The following GRM8 variants were observed in gnomAD, a reference collection of about 807,000 sequenced individuals.
GRM8 encodes the protein metabotropic glutamate receptor 8.
GRM8 carries 47 observed loss-of-function variants against 87.2 expected under a neutral mutation model. The ratio of observed to expected loss-of-function variants is 0.54; its 90% confidence interval spans 0.43 to 0.69. GRM8 has a LOEUF of 0.69. GRM8 is among the 30% of genes least tolerant of loss of function. The probability of loss-of-function intolerance (pLI) is 0.00; values close to 1 mark genes in which losing one functional copy is unlikely to be tolerated. For synonymous variants in GRM8, 396 were observed against 404.5 expected (o/e 0.98, Z 0.25); for missense variants, 1,019 against 1,139.2 (o/e 0.89, Z 1.52).
At chr7:126,738,929 T>C (rs1348653136) in intron 7 of GRM8, among the ~76,000 whole-genome samples, 2 of 151,946 alleles carry the variant, frequency 1.3e-5, no homozygotes, top group Non-Finnish European at 2.9e-5. Context: ...GTTAAGTGTC[T>C]CAGATGCTTT....
chr7:127,047,548 G>C (rs1819055214), intron 3 of GRM8, among the ~76,000 whole-genome samples: 1 of 151,296 alleles, frequency 6.6e-6, no homozygotes, highest in Admixed American at 6.6e-5. Flanking sequence ...AAGCAATGCA[G>C]TCCAGATGCA....
intron 9 of GRM8, among the ~76,000 whole-genome samples, chr7:126,471,584 G>T (rs1452321597): frequency 6.6e-6 from 1 of 151,766 alleles, no homozygotes; most frequent in Non-Finnish European, 1.5e-5. Flanking sequence ...TGCTTCTTTG[G>T]TTACTGTAGC....
chr7:126,743,513 T>C (rs17150214), intron 7 of GRM8, among the ~76,000 whole-genome samples: 3 of 152,132 alleles, frequency 2.0e-5, no homozygotes, highest in South Asian at 4.1e-4. Context: ...AAAAAGAATA[T>C]GCACCTGGAG....
chr7:127,042,519 TC>T (rs1442270075), intron 3 of GRM8, among the ~76,000 whole-genome samples: 20 of 152,162 alleles, frequency 1.3e-4, no homozygotes, highest in Admixed American at 9.8e-4. Flanking sequence ...GGGAAACAAT[TC>T]CCTATTTAAC....
At chr7:126,796,161 G>C (rs966730737) in intron 6 of GRM8, among the ~76,000 whole-genome samples, 17 of 151,952 alleles carry the variant, frequency 1.1e-4, no homozygotes, top group Admixed American at 3.3e-4. Flanking sequence ...AATGAAGAAA[G>C]AACACAAATT....
intron 7 of GRM8, among the ~76,000 whole-genome samples, chr7:126,748,910 A>G (rs1816045195): frequency 6.6e-6 from 1 of 152,098 alleles, no homozygotes; most frequent in African/African-American, 2.4e-5. Flanking sequence ...AAATACTGGT[A>G]GTAGAACAAT....
At chr7:127,030,853 C>T (rs1288926949) in intron 3 of GRM8, among the ~76,000 whole-genome samples, 1 of 152,040 alleles carries the variant, frequency 6.6e-6, no homozygotes, top group African/African-American at 2.4e-5. Flanking sequence ...GAAAGGATGT[C>T]CCCGACTCCT....
intron 7 of GRM8, among the ~76,000 whole-genome samples, chr7:126,754,040 G>T (rs764751445): frequency 4.6e-5 from 7 of 151,744 alleles, no homozygotes; most frequent in Admixed American, 1.3e-4. Flanking sequence ...ATAATGATAT[G>T]GCATTTAACA....
chr7:126,751,393 C>T (rs1361521903), intron 7 of GRM8, among the ~76,000 whole-genome samples: 3 of 151,932 alleles, frequency 2.0e-5, no homozygotes, highest in Non-Finnish European at 4.4e-5. Flanking sequence ...ATTTCTTATA[C>T]CTATTACTAC....
intron 6 of GRM8, among the ~76,000 whole-genome samples, chr7:126,824,385 T>A (rs1343482732): frequency 6.6e-6 from 1 of 152,158 alleles, no homozygotes; most frequent in Non-Finnish European, 1.5e-5. Context: ...AAGAAACCAA[T>A]AAATAAAATG....
At chr7:126,968,698 T>C (rs1810111184) in intron 3 of GRM8, among the ~76,000 whole-genome samples, 1 of 152,180 alleles carries the variant, frequency 6.6e-6, no homozygotes, top group African/African-American at 2.4e-5. Flanking sequence ...AAAGGCTCAA[T>C]GCTGATAAGC....
intron 8 of GRM8, among the ~76,000 whole-genome samples, chr7:126,580,478 C>A (rs890904842): frequency 5.3e-5 from 8 of 152,092 alleles, no homozygotes; most frequent in African/African-American, 1.9e-4. Flanking sequence ...TCTCTTTCTT[C>A]TGCATTCTCG....
At chr7:126,813,402 G>A (rs1015553409) in intron 6 of GRM8, among the ~76,000 whole-genome samples, 4 of 152,074 alleles carry the variant, frequency 2.6e-5, no homozygotes, top group African/African-American at 9.7e-5. Context: ...TAAAAAGGAA[G>A]AATGGAAAAA....
chr7:127,236,115 T>C (rs1023038698), intron 2 of GRM8, among the ~76,000 whole-genome samples: 1 of 152,246 alleles, frequency 6.6e-6, no homozygotes, highest in African/African-American at 2.4e-5. Context: ...AATTGGCTAA[T>C]TAACAAATCC....
intron 6 of GRM8, among the ~76,000 whole-genome samples, chr7:126,798,782 T>C (rs1401732503): frequency 6.6e-6 from 1 of 152,088 alleles, no homozygotes; most frequent in African/African-American, 2.4e-5. Context: ...TGACTGGCAT[T>C]TGCACAGGAG....
chr7:126,619,866 A>AT (rs1455028037), intron 7 of GRM8, among the ~76,000 whole-genome samples: 2 of 151,928 alleles, frequency 1.3e-5, no homozygotes, highest in Non-Finnish European at 2.9e-5. Context: ...AATTTTTGTA[A>AT]TTTTTGGTAG....
At chr7:126,766,658 G>T (rs534843720) in intron 7 of GRM8, among the ~76,000 whole-genome samples, 3 of 152,172 alleles carry the variant, frequency 2.0e-5, no homozygotes, top group African/African-American at 7.2e-5. Flanking sequence ...AATATATAAT[G>T]TTTTTTGTTG....
At chr7:126,711,608 G>A (rs1046085150) in intron 7 of GRM8, among the ~76,000 whole-genome samples, 1 of 152,202 alleles carries the variant, frequency 6.6e-6, no homozygotes, top group African/African-American at 2.4e-5. Context: ...GCCAGGCATT[G>A]ACTTCTTTCT....
chr7:126,933,986 C>T (rs1329591393), intron 3 of GRM8, among the ~76,000 whole-genome samples: 1 of 152,122 alleles, frequency 6.6e-6, no homozygotes, highest in Admixed American at 6.5e-5. Context: ...TACTGTGTCT[C>T]CTTATTCCCC....
Sources: gnomAD v4.1 joint callset for allele counts (sites outside exome capture counted in the v4.1 genomes callset) on GRCh38, gnomAD v4.1.1 for gene constraint, MANE v1.5 for transcripts, NCBI Gene and HGNC (gene_info 2026-07-23, HGNC 2026-07-21) for gene names.